SLC7A6: variants seen among roughly 807,000 people sequenced by gnomAD.
The protein encoded by SLC7A6 is solute carrier family 7 member 6, also known as Y+L amino acid transporter 2.
In SLC7A6, 29 loss-of-function variants were observed where a neutral mutation model predicts 46.6. The ratio of observed to expected loss-of-function variants is 0.62; its 90% CI spans 0.46 to 0.85. The LOEUF is 0.85. Ranked by LOEUF, SLC7A6 falls within the 40% of genes least tolerant of loss-of-function variation. The pLI is 0.00. For synonymous variants in SLC7A6, 276 were observed against 257.3 expected (o/e 1.07, Z -0.70); for missense variants, 527 against 647.6 (o/e 0.81, Z 2.02).
intron 6 of SLC7A6, 35 bp from the exon 7 acceptor site, chr16:68,291,523 T>G: frequency 6.2e-7 from 1 of 1,605,324 alleles, no homozygotes; most frequent in Non-Finnish European, 8.5e-7. Flanking sequence ...TGAAACCCTG[T>G]GCGTTTAAGT....
At chr16:68,271,166 A>AT (rs1329940645) in intron 2 of SLC7A6, among the ~76,000 whole-genome samples, 1 of 149,800 alleles carries the variant, frequency 6.7e-6, no homozygotes, top group Non-Finnish European at 1.5e-5. Context: ...TTCTTATTTC[A>AT]TTTTTTTATA....
At chr16:68,294,513 G>C (rs570812538) in intron 7 of SLC7A6, among the ~76,000 whole-genome samples, 192 bp from the exon 8 acceptor site, 11 of 152,090 alleles carry the variant, frequency 7.2e-5, no homozygotes, top group Non-Finnish European at 1.6e-4. Flanking sequence ...GGGATGAAGA[G>C]GGAGGGAAAA....
chr16:68,277,730 C>T (rs1221297800), intron 3 of SLC7A6, among the ~76,000 whole-genome samples: 4 of 151,966 alleles, frequency 2.6e-5, no homozygotes, highest in African/African-American at 9.7e-5. Flanking sequence ...TGGGTTCAAG[C>T]GATTCTCCTG....
chr16:68,289,061 G>A (rs2042994980), intron 4 of SLC7A6, among the ~76,000 whole-genome samples: 1 of 151,790 alleles, frequency 6.6e-6, no homozygotes, highest in African/African-American at 2.4e-5. Flanking sequence ...GGAGGCTGAG[G>A]CAGATGGATC....
chr16:68,268,252 G>A (rs2042568570), intron 2 of SLC7A6, among the ~76,000 whole-genome samples: 1 of 152,182 alleles, frequency 6.6e-6, no homozygotes, highest in African/African-American at 2.4e-5. Flanking sequence ...GTGGAACTGA[G>A]CCCTTCTGCT....
chr16:68,296,692 C>T lies in SLC7A6; in HGVS notation c.1335C>T (p.Phe445=). The T allele has an allele frequency of 3.1e-6, 5 of 1,614,218 alleles. No individual in the cohort carries two copies. The highest frequency in any genetic ancestry group is 3.4e-6 in the Non-Finnish European group (4 of 1,180,036). The part of the protein sequence containing the change: ...CSVFLVIVPL[F]TDTINSLIGI... The stretch of plus-strand genomic sequence containing the variant: ...TGTTTCTGGTGATAGTGCCCCTCTT[C>T]ACTGACACCATTAATTCCCTCATTG... Residue 445 remains phenylalanine, a synonymous_variant, in exon 10 of 11, where the codon TTC becomes TTT. Transcript: ENST00000219343.
intron 5 of SLC7A6, 144 bp from the exon 6 acceptor site, chr16:68,291,065 G>A: frequency 1.0e-6 from 1 of 974,678 alleles, no homozygotes; most frequent in South Asian, 1.4e-5. Flanking sequence ...AAAGAACCCA[G>A]GGTCAAGGGG....
In SLC7A6 at chr16:68,296,758, G is replaced by A. The variant is rs1383017017; in HGVS notation, c.1401G>A (p.Met467Ile). 1.2e-6 allele frequency: 2 copies of A among 1,614,164 alleles called. No homozygotes were observed. Among genetic ancestry groups the A allele is most frequent in the South Asian group, 1.1e-5 (1 of 91,072 alleles). ...IALSGVPFYF[M>I]GVYLPESRRP... ...TTTCTGGAGTCCCTTTCTACTTCAT[G>A]GGTGTTTACCTGCCAGAGTCCCGGA... is the stretch of plus-strand genomic sequence containing the variant. Residue 467 changes from methionine (M) to isoleucine (I), a missense_variant, in exon 10 of 11, where the codon ATG (methionine) becomes ATA (isoleucine). Physicochemically the swap from Met to Ile is conservative, Grantham distance 10. Coordinates refer to ENST00000219343, the MANE Select transcript of SLC7A6 (RefSeq NM_003983.6).
intron 3 of SLC7A6, among the ~76,000 whole-genome samples, chr16:68,278,464 T>G (rs1258878311): frequency 6.6e-6 from 1 of 151,664 alleles, no homozygotes; most frequent in Non-Finnish European, 1.5e-5. Context: ...TTTTTTTTTT[T>G]TGCAGTGTTT....
intron 2 of SLC7A6, among the ~76,000 whole-genome samples, chr16:68,271,071 G>T (rs1442984753): frequency 6.6e-6 from 1 of 151,856 alleles, no homozygotes; most frequent in Non-Finnish European, 1.5e-5. Context: ...GCTGGTCTCG[G>T]ACTCCTGGGC....
In SLC7A6 at chr16:68,299,311, C is replaced by T. The variant is rs761720223; in HGVS notation, c.*1983C>T. ...CAGCTAATCCCAGGAATTTGCTGCC[C>T]CCCACCAGTGGCTTCTAGGGAAAGC... On this transcript the variant is annotated 3_prime_UTR_variant, in exon 11 of 11. Coordinates refer to ENST00000219343, the MANE Select transcript of SLC7A6 (RefSeq NM_003983.6). The T allele has an allele frequency of 6.6e-6, 1 of 152,634 alleles. No individual in the cohort carries two copies. The highest frequency in any genetic ancestry group is 1.5e-5 in the Non-Finnish European group (1 of 68,046). The allele number at this position is 152,634 out of a possible 1,614,324, so 9.5% of individuals were successfully genotyped here.
chr16:68,294,834 G>C (rs1462523631), intron 8 of SLC7A6, 33 bp downstream of exon 8: 1 of 1,447,420 alleles, frequency 6.9e-7, no homozygotes, highest in African/African-American at 1.4e-5. Flanking sequence ...GGCTCAGGTG[G>C]ATCTGTGCAT....
chr16:68,273,256 C>T (rs1225031828), intron 2 of SLC7A6, among the ~76,000 whole-genome samples: 1 of 152,142 alleles, frequency 6.6e-6, no homozygotes, highest in African/African-American at 2.4e-5. Flanking sequence ...AGGCCAGATT[C>T]GGGCACATCA....
intron 3 of SLC7A6, among the ~76,000 whole-genome samples, chr16:68,275,596 C>CAAAA (rs10578259): frequency 9.9e-6 from 1 of 100,620 alleles, no homozygotes. Context: ...ACTCTGTCTC[C>CAAAA]AAAAAAAAAA....
chr16:68,301,479 G>T lies in SLC7A6; in HGVS notation c.*4151G>T. On this transcript the variant is annotated 3_prime_UTR_variant, in exon 11 of 11. Transcript: ENST00000219343. ...ACTGCAGGAGCCCCTTCTCTTCTCAGAAAGGTCTGTTTTTGTTCCCGATTG... is the reference window on the plus strand; with the variant it reads ...ACTGCAGGAGCCCCTTCTCTTCTCATAAAGGTCTGTTTTTGTTCCCGATTG... The T allele has an allele frequency of 7.2e-7, 1 of 1,387,832 alleles. No homozygotes were observed. Among genetic ancestry groups the T allele is most frequent in the Non-Finnish European group, 9.9e-7 (1 of 1,007,166 alleles). 86.0% of individuals were successfully genotyped at this position (1,387,832 alleles called of 1,614,324 possible). A position where few individuals can be genotyped will look rare whatever the true frequency, so the allele number is the denominator to read the frequency against.
intron 2 of SLC7A6, 100 bp from the exon 3 acceptor site, chr16:68,274,591 T>A: frequency 1.0e-6 from 1 of 955,642 alleles, no homozygotes; most frequent in Non-Finnish European, 1.6e-6. Context: ...GCTGTGTGCA[T>A]GGCATGCTGT....
At chr16:68,294,531 G>C in intron 7 of SLC7A6, 174 bp from the exon 8 acceptor site, 4 of 591,138 alleles carry the variant, frequency 6.8e-6, no homozygotes, top group South Asian at 6.0e-5. Context: ...AAATCTGTAG[G>C]GAAGGGGGGA....
rs556705418 is a variant in SLC7A6 at position 68,301,632 on chromosome 16, C to T, written c.*4304C>T. On this transcript the variant is annotated 3_prime_UTR_variant, in exon 11 of 11. Coordinates refer to ENST00000219343, the MANE Select transcript of SLC7A6 (RefSeq NM_003983.6). ...GGAGTATTTTGTCACTTCTCCCCTCCGTGGAGTATTTTGTCACTTCTCCCC... is the reference window on the plus strand; with the variant it reads ...GGAGTATTTTGTCACTTCTCCCCTCTGTGGAGTATTTTGTCACTTCTCCCC... The T allele has an allele frequency of 5.8e-5, 21 of 359,850 alleles. No individual in the cohort carries two copies. In the East Asian group the frequency reaches 6.2e-4, roughly 11 times the overall value. The allele number at this position is 359,850 out of a possible 1,614,324, so 22.3% of individuals were successfully genotyped here.
intron 2 of SLC7A6, chr16:68,273,073 G>C (rs1239408630): frequency 6.6e-6 from 1 of 152,234 alleles, no homozygotes; most frequent in African/African-American, 2.4e-5. Context: ...TGGGACTGGG[G>C]GAAGGCTTCA....
Sources: gnomAD v4.1 joint callset for allele counts (sites outside exome capture counted in the v4.1 genomes callset) on GRCh38, gnomAD v4.1.1 for gene constraint, MANE v1.5 for transcripts, NCBI Gene and HGNC (gene_info 2026-07-23, HGNC 2026-07-21) for gene names.